Variants in PDE1A observed in about 807,000 individuals in gnomAD.
PDE1A encodes phosphodiesterase 1A.
Under a neutral mutation model 61.7 loss-of-function variants are expected in PDE1A, and 35 were observed. The ratio of observed to expected loss-of-function variants is 0.57; its 90% CI spans 0.43 to 0.75. The LOEUF (loss-of-function observed/expected upper bound fraction) is 0.75, where lower values mean the gene tolerates loss of function less well. PDE1A is among the 30% of genes least tolerant of loss of function. The probability of loss-of-function intolerance (pLI) is 0.00; values close to 1 mark genes in which losing one functional copy is unlikely to be tolerated. For missense variants in PDE1A, 597 were observed against 630.6 expected, an observed-to-expected ratio of 0.95 and a Z score of 0.57; for synonymous variants, 232 against 213.2, an observed-to-expected ratio of 1.09 and a Z score of -0.77.
the PDE1A span, among the ~76,000 whole-genome samples, chr2:182,585,339 T>C: frequency 6.6e-6 from 1 of 152,202 alleles, no homozygotes; most frequent in Non-Finnish European, 1.5e-5. Flanking sequence ...CTCACTCCTA[T>C]TTGGGAAATT....
intron 1 of PDE1A, among the ~76,000 whole-genome samples, chr2:182,326,091 C>G (rs1293412812): frequency 6.6e-6 from 1 of 151,976 alleles, no homozygotes; most frequent in Admixed American, 6.6e-5. Flanking sequence ...GATATCAGTT[C>G]ACACCAATTA....
intron 1 of PDE1A, among the ~76,000 whole-genome samples, chr2:182,320,884 T>C (rs1288265512): frequency 1.3e-5 from 2 of 152,190 alleles, no homozygotes; most frequent in East Asian, 3.9e-4. Context: ...CCAAAAATAT[T>C]CCACATGTAA....
chr2:182,526,008 G>A (rs7584728), upstream of PDE1A, among the ~76,000 whole-genome samples: 10,034 of 152,186 alleles, frequency 0.066, 353 homozygotes, highest in Middle Eastern at 0.1. Context: ...GTGAAGAAGG[G>A]CTAGGAAGAA....
rs1051025961 is a variant in PDE1A at position 182,443,922 on chromosome 2, T to A, written c.101+78354A>T. Among the ~76,000 whole-genome samples, 5 of 151,982 alleles carry A rather than the reference T, an allele frequency of 3.3e-5. No individual in the cohort carries two copies. The East Asian group carries it at 9.7e-4, about 30-fold the overall frequency. ...TTCTCCATGTTGGTCAGGTTGGTCT[T>A]GAACTCCTGACCTCAGGTGATCTGC... On this transcript the variant is annotated intron_variant, in intron 2 of 14. Transcript: ENST00000410103.
chr2:182,258,187 A>G (rs939983377), intron 2 of PDE1A, among the ~76,000 whole-genome samples: 1 of 152,120 alleles, frequency 6.6e-6, no homozygotes, highest in Admixed American at 6.5e-5. Context: ...AAGAAAAGAA[A>G]AAAAGAAAAA....
intron 2 of PDE1A, among the ~76,000 whole-genome samples, chr2:182,470,770 A>G (rs1686978043): frequency 6.6e-6 from 1 of 151,850 alleles, no homozygotes; most frequent in Non-Finnish European, 1.5e-5. Flanking sequence ...ATATACGAAC[A>G]CAGTCATGGA....
At chr2:182,183,508 C>G (rs138744290) in intron 13 of PDE1A, among the ~76,000 whole-genome samples, 1 of 152,016 alleles carries the variant, frequency 6.6e-6, no homozygotes, top group African/African-American at 2.4e-5. Context: ...GCAAATAATT[C>G]TGGTTACTTG....
the PDE1A span, among the ~76,000 whole-genome samples, chr2:182,624,496 T>C: frequency 3.3e-5 from 5 of 152,228 alleles, no homozygotes; most frequent in Non-Finnish European, 7.3e-5. Flanking sequence ...CAATGAACAC[T>C]ATTTCCAATA....
At chr2:182,685,120 C>T in the PDE1A span, among the ~76,000 whole-genome samples, 9 of 150,484 alleles carry the variant, frequency 6.0e-5, no homozygotes, top group Non-Finnish European at 5.9e-5. Context: ...TATATACACA[C>T]ACACACAGAG....
At chr2:182,517,352 A>T (rs1690270233) in intron 2 of PDE1A, among the ~76,000 whole-genome samples, 1 of 152,218 alleles carries the variant, frequency 6.6e-6, no homozygotes. Context: ...TGTTTATTCC[A>T]GCTGTGAATC....
intron 13 of PDE1A, among the ~76,000 whole-genome samples, chr2:182,151,996 T>C: frequency 6.6e-6 from 1 of 152,180 alleles, no homozygotes; most frequent in East Asian, 1.9e-4. Context: ...CTCAGAGCAA[T>C]GCCCCAGTTA....
At chr2:182,230,297 T>A in intron 5 of PDE1A, 151 bp from the exon 6 acceptor site, 2 of 605,678 alleles carry the variant, frequency 3.3e-6, no homozygotes, top group Middle Eastern at 4.5e-4. Flanking sequence ...AACCACTTCA[T>A]GAACATGTTA....
chr2:182,335,076 G>A (rs1236588148), intron 1 of PDE1A, among the ~76,000 whole-genome samples: 1 of 152,144 alleles, frequency 6.6e-6, no homozygotes, highest in African/African-American at 2.4e-5. Context: ...TAAGGGATGT[G>A]AAGGACCTCT....
At chr2:182,381,112 C>T (rs1280301174) in intron 1 of PDE1A, among the ~76,000 whole-genome samples, 2 of 151,420 alleles carry the variant, frequency 1.3e-5, no homozygotes, top group Non-Finnish European at 2.9e-5. Context: ...TGTAGACAGT[C>T]AAATTATATG....
chr2:182,263,976 G>A (rs1006536524), intron 2 of PDE1A, among the ~76,000 whole-genome samples: 2 of 152,116 alleles, frequency 1.3e-5, no homozygotes, highest in Non-Finnish European at 2.9e-5. Context: ...GTGAAAACCA[G>A]TATAAGCCTA....
At chr2:182,601,516 C>A in the PDE1A span, among the ~76,000 whole-genome samples, 24 of 152,342 alleles carry the variant, frequency 1.6e-4, no homozygotes, top group African/African-American at 5.3e-4. Flanking sequence ...TGTTACAGAT[C>A]TTCTAGACTT....
At chr2:182,554,384 C>A in the PDE1A span, among the ~76,000 whole-genome samples, 1 of 152,166 alleles carries the variant, frequency 6.6e-6, no homozygotes, top group African/African-American at 2.4e-5. Context: ...ATCACAGATT[C>A]TCAGGGCTTG....
chr2:182,287,444 T>C (rs997310906), intron 1 of PDE1A, among the ~76,000 whole-genome samples: 19 of 152,280 alleles, frequency 1.2e-4, no homozygotes, highest in African/African-American at 3.8e-4. Context: ...TACCTATCTA[T>C]TTATGACTCC....
chr2:182,182,677 A>G lies in PDE1A; in HGVS notation c.1516+3215T>C, dbSNP rs906584183. ...ATTCCCCACTCATCACATTGCCTACATTATTCCCACTTGTCCAATTTCTTC... is the reference window on the plus strand; with the variant it reads ...ATTCCCCACTCATCACATTGCCTACGTTATTCCCACTTGTCCAATTTCTTC... On this transcript the variant is annotated intron_variant, in intron 13 of 13. Coordinates refer to ENST00000351439, the Ensembl canonical transcript of PDE1A. 7.9e-5 allele frequency among the ~76,000 whole-genome samples: 12 copies of G among 152,132 alleles called. No homozygotes were observed. The East Asian group carries it at 2.1e-3, about 27-fold the overall frequency.
Sources: allele counts gnomAD v4.1 joint callset (sites outside exome capture counted in the v4.1 genomes callset), GRCh38; gene constraint gnomAD v4.1.1; transcripts MANE v1.5; gene names NCBI Gene and HGNC (gene_info 2026-07-23, HGNC 2026-07-21).